SPECC1: variants seen among roughly 807,000 people sequenced by gnomAD.
SPECC1 encodes sperm antigen with calponin homology and coiled-coil domains 1.
In SPECC1, 62 loss-of-function variants were observed where a neutral mutation model predicts 104.1. The ratio of observed to expected loss-of-function variants is 0.60; its 90% CI spans 0.49 to 0.74. The LOEUF (loss-of-function observed/expected upper bound fraction) is 0.74. Ranked by LOEUF, SPECC1 falls within the 30% of genes least tolerant of loss-of-function variation. The pLI, the probability that SPECC1 is intolerant of heterozygous loss-of-function variation, is 0.00. For missense variants in SPECC1, 1,306 were observed against 1,310.5 expected (o/e 1.00, Z 0.05); for synonymous variants, 513 against 501.6 (o/e 1.02, Z -0.30).
chr17:20,287,423 C>CACAAAAA (rs2040992948), intron 12 of SPECC1, among the ~76,000 whole-genome samples: 1 of 98,044 alleles, frequency 1.0e-5, no homozygotes, highest in African/African-American at 4.2e-5. Flanking sequence ...GACTCCGTCT[C>CACAAAAA]AAAAAAAAAA....
At chr17:20,210,224 G>A (rs2037045155) in intron 4 of SPECC1, among the ~76,000 whole-genome samples, 1 of 152,246 alleles carries the variant, frequency 6.6e-6, no homozygotes, top group South Asian at 2.1e-4. Flanking sequence ...GGTTTAAACA[G>A]TCAGGTGGGT....
intron 7 of SPECC1, among the ~76,000 whole-genome samples, chr17:20,242,046 C>T (rs1354307525): frequency 6.6e-6 from 1 of 152,142 alleles, no homozygotes; most frequent in Non-Finnish European, 1.5e-5. Context: ...GGTTGACATG[C>T]GACCCGCCCT....
intron 3 of SPECC1, among the ~76,000 whole-genome samples, chr17:20,123,243 C>A (rs922937781): frequency 6.6e-6 from 1 of 152,128 alleles, no homozygotes; most frequent in African/African-American, 2.4e-5. Context: ...ATATAGCACA[C>A]GTGGGATCCA....
At chr17:20,120,642 TTTGAC>T (rs2048981278) in intron 3 of SPECC1, among the ~76,000 whole-genome samples, 2 of 152,210 alleles carry the variant, frequency 1.3e-5, no homozygotes, top group African/African-American at 4.8e-5. Context: ...TTTTTGTACT[TTTGAC>T]TTGGGGACAA....
chr17:20,223,314 A>T (rs936279575), intron 4 of SPECC1, among the ~76,000 whole-genome samples: 1 of 151,460 alleles, frequency 6.6e-6, no homozygotes, highest in Non-Finnish European at 1.5e-5. Flanking sequence ...TGCTGTTGAG[A>T]CTCTGATGCA....
Position 20,232,279 on chromosome 17 carries a change from C to T in SPECC1, c.2225C>T (p.Ala742Val). The change falls in exon 7 of 15, where the codon GCC (alanine) becomes GTC (valine). Residue 742 changes from alanine to valine, a missense_variant. Ala to Val is a moderately conservative substitution (Grantham distance 64). Around this residue, in one of 2 missense-constraint regions of SPECC1, gnomAD observed 1,177 missense variants for 1,139.9 expected, o/e 1.03. Transcript: ENST00000395527. The part of the protein sequence containing the change: ...VVVANDIKCE[A>V]QQELRTVKRK... ...GTGGCCAATGACATCAAGTGTGAGG[C>T]CCAGCAGGAGCTGCGCACCGTGAAG... 1 of 1,614,122 alleles carries T rather than the reference C, an allele frequency of 6.2e-7. No individual in the cohort carries two copies. Among genetic ancestry groups the T allele is most frequent in the Non-Finnish European group, 8.5e-7 (1 of 1,180,030 alleles).
chr17:20,081,940 C>A (rs1287009055), intron 1 of SPECC1, among the ~76,000 whole-genome samples: 1 of 152,200 alleles, frequency 6.6e-6, no homozygotes, highest in Non-Finnish European at 1.5e-5. Flanking sequence ...GCTGGCCGTT[C>A]AGACTCCTGC....
chr17:20,156,212 G>C (rs1269522016), intron 3 of SPECC1: 12 of 1,425,736 alleles, frequency 8.4e-6, no homozygotes, highest in African/African-American at 1.5e-5. Context: ...CAACCACTCA[G>C]GACGGCCCGA....
chr17:20,176,618 A>T (rs931761605), intron 3 of SPECC1, among the ~76,000 whole-genome samples: 3 of 152,206 alleles, frequency 2.0e-5, no homozygotes, highest in African/African-American at 7.2e-5. Context: ...TGGAGGCTTC[A>T]GGGGAATATC....
intron 4 of SPECC1, 42 bp from the exon 5 acceptor site, chr17:20,227,371 T>C: frequency 1.9e-6 from 3 of 1,578,802 alleles, no homozygotes; most frequent in Non-Finnish European, 1.7e-6. Flanking sequence ...TGTGGGAATT[T>C]TTTTGTTGTT....
intron 3 of SPECC1, chr17:20,156,062 G>A (rs1004331574): frequency 3.3e-5 from 43 of 1,296,982 alleles, no homozygotes; most frequent in Non-Finnish European, 3.9e-5. Flanking sequence ...GGAACTGGAA[G>A]GCGCCCGGTC....
intron 3 of SPECC1, among the ~76,000 whole-genome samples, chr17:20,195,374 CACTAAA>C (rs2035961860): frequency 2.5e-5 from 3 of 121,136 alleles, no homozygotes; most frequent in Admixed American, 1.7e-4. Context: ...ATTAATAACA[CACTAAA>C]TAATATTAGA....
chr17:20,147,925 C>G (rs536535134), intron 3 of SPECC1, among the ~76,000 whole-genome samples: 5 of 152,170 alleles, frequency 3.3e-5, no homozygotes, highest in African/African-American at 9.6e-5. Context: ...ATAATCCCAG[C>G]TACTTGGGAG....
intron 7 of SPECC1, 71 bp from the exon 8 acceptor site, chr17:20,245,855 T>A (rs775078826): frequency 1.1e-5 from 17 of 1,565,812 alleles, no homozygotes; most frequent in Non-Finnish European, 1.4e-5. Context: ...CAGTTCTGTT[T>A]TCCTCTGTGT....
intron 1 of SPECC1, among the ~76,000 whole-genome samples, chr17:20,032,032 C>T (rs1347371385): frequency 6.6e-6 from 1 of 152,046 alleles, no homozygotes; most frequent in Admixed American, 6.5e-5. Context: ...ACAGCTTTGT[C>T]GTATATAGGA....
intron 1 of SPECC1, among the ~76,000 whole-genome samples, chr17:20,036,692 C>A (rs570173033): frequency 6.6e-6 from 1 of 152,294 alleles, no homozygotes; most frequent in South Asian, 2.1e-4. Flanking sequence ...CAGCGTGTCT[C>A]CACTGCCCCC....
At chr17:20,024,951 A>G (rs1439815955) in intron 1 of SPECC1, among the ~76,000 whole-genome samples, 1 of 152,186 alleles carries the variant, frequency 6.6e-6, no homozygotes, top group Non-Finnish European at 1.5e-5. Flanking sequence ...TATTTTTCTT[A>G]TTAAACTTTG....
intron 4 of SPECC1, among the ~76,000 whole-genome samples, chr17:20,209,346 G>A (rs1184579283): frequency 6.6e-6 from 1 of 152,180 alleles, no homozygotes; most frequent in Non-Finnish European, 1.5e-5. Context: ...TACAAAAGGG[G>A]AAAGTGGTGC....
chr17:20,235,636 G>C (rs2038865866), intron 7 of SPECC1, among the ~76,000 whole-genome samples: 1 of 152,220 alleles, frequency 6.6e-6, no homozygotes, highest in Non-Finnish European at 1.5e-5. Flanking sequence ...CTCTGTGTTT[G>C]TGGCATTTGT....
Sources: gnomAD v4.1 joint callset for allele counts (sites outside exome capture counted in the v4.1 genomes callset) on GRCh38, gnomAD v4.1.1 for gene constraint, gnomAD v4.1.1 regional missense constraint, MANE v1.5 for transcripts, NCBI Gene and HGNC (gene_info 2026-07-23, HGNC 2026-07-21) for gene names.